XKR9: variants seen among roughly 807,000 people sequenced by gnomAD.
The protein encoded by XKR9 is XK related 9.
In XKR9, 32 loss-of-function variants were observed where a neutral mutation model predicts 32.0. The ratio of observed to expected loss-of-function variants is 1.00; its 90% CI spans 0.76 to 1.34. The LOEUF is 1.34. Ranked by LOEUF, XKR9 falls within the 40% of genes most tolerant of loss-of-function variation. XKR9 has a pLI of 0.00. For missense variants in XKR9, 546 were observed against 429.7 expected, an observed-to-expected ratio of 1.27 and a Z score of -2.39; for synonymous variants, 168 against 143.4, an observed-to-expected ratio of 1.17 and a Z score of -1.22.
the XKR9 span, among the ~76,000 whole-genome samples, chr8:70,857,271 A>G: frequency 6.6e-6 from 1 of 152,220 alleles, no homozygotes; most frequent in African/African-American, 2.4e-5. Context: ...AATAGACACA[A>G]TAAAAAATGA....
intron 2 of XKR9, among the ~76,000 whole-genome samples, chr8:70,781,805 T>C (rs1219812977): frequency 6.6e-6 from 1 of 152,156 alleles, no homozygotes; most frequent in Admixed American, 6.6e-5. Flanking sequence ...TAGAACAAGC[T>C]TTCTCAAAAA....
intron 2 of XKR9, among the ~76,000 whole-genome samples, chr8:70,752,563 C>A (rs937325987): frequency 1.3e-5 from 2 of 152,110 alleles, no homozygotes; most frequent in Non-Finnish European, 2.9e-5. Context: ...GCATTAATCC[C>A]CCTTAATGAC....
chr8:70,772,217 G>A (rs369241281), intron 2 of XKR9, among the ~76,000 whole-genome samples: 3 of 152,216 alleles, frequency 2.0e-5, no homozygotes, highest in African/African-American at 4.8e-5. Flanking sequence ...TCTGTGTCAG[G>A]AGTCTAGCAT....
chr8:70,975,386 A>G, the XKR9 span, among the ~76,000 whole-genome samples: 1 of 152,292 alleles, frequency 6.6e-6, no homozygotes, highest in East Asian at 1.9e-4. Flanking sequence ...TCTAACATTT[A>G]AGTCTTTAAT....
intron 4 of XKR9, among the ~76,000 whole-genome samples, chr8:70,710,937 G>A (rs1028649079): frequency 1.3e-4 from 19 of 151,940 alleles, no homozygotes; most frequent in African/African-American, 3.9e-4. Context: ...ATCAAGCAAA[G>A]AACAAACAAC....
At chr8:70,969,073 G>T in the XKR9 span, among the ~76,000 whole-genome samples, 1 of 152,166 alleles carries the variant, frequency 6.6e-6, no homozygotes, top group Admixed American at 6.5e-5. Context: ...CTTACTTTTG[G>T]CAGTGAGCAC....
the XKR9 span, among the ~76,000 whole-genome samples, chr8:71,065,581 C>G: frequency 6.6e-6 from 1 of 152,140 alleles, no homozygotes; most frequent in Admixed American, 6.5e-5. Flanking sequence ...TCTATTTAAA[C>G]TAAAAGAGAA....
the XKR9 span, among the ~76,000 whole-genome samples, chr8:71,040,854 T>G: frequency 2.6e-5 from 4 of 152,164 alleles, no homozygotes; most frequent in African/African-American, 9.7e-5. Flanking sequence ...GATTAGATGG[T>G]TGGATTGCTG....
chr8:70,707,370 A>T (rs1265717084), intron 4 of XKR9, among the ~76,000 whole-genome samples: 4 of 152,040 alleles, frequency 2.6e-5, no homozygotes, highest in Non-Finnish European at 4.4e-5. Context: ...TAGTTATTTG[A>T]TGATTCCTTC....
the XKR9 span, among the ~76,000 whole-genome samples, chr8:70,993,614 C>T: frequency 3.2e-5 from 2 of 62,734 alleles, no homozygotes; most frequent in African/African-American, 1.3e-4. Flanking sequence ...TCCTTCCTTC[C>T]TTCCTTCCTT....
chr8:70,846,581 G>A, the XKR9 span, among the ~76,000 whole-genome samples: 2 of 151,872 alleles, frequency 1.3e-5, no homozygotes, highest in Non-Finnish European at 2.9e-5. Context: ...AAAAGATATA[G>A]ATTGGCTGAA....
the XKR9 span, among the ~76,000 whole-genome samples, chr8:70,818,108 T>C: frequency 6.6e-6 from 1 of 152,120 alleles, no homozygotes; most frequent in African/African-American, 2.4e-5. Context: ...AATTTGACAA[T>C]GGTACATAGT....
intron 2 of XKR9, among the ~76,000 whole-genome samples, chr8:70,776,947 C>CTCTCTCTCTCTATATATA: frequency 0.014 from 744 of 54,174 alleles, 20 homozygotes; most frequent in East Asian, 0.03. Context: ...CTCTCTCTCT[C>CTCTCTCTCTCTATATATA]TATATATATA....
chr8:70,981,443 C>T, the XKR9 span, among the ~76,000 whole-genome samples: 239 of 152,086 alleles, frequency 1.6e-3, 1 homozygote, highest in African/African-American at 5.5e-3. Flanking sequence ...TGAGACTTTC[C>T]AGGGCATTTT....
At chr8:70,873,540 G>T in the XKR9 span, among the ~76,000 whole-genome samples, 1 of 152,202 alleles carries the variant, frequency 6.6e-6, no homozygotes, top group Non-Finnish European at 1.5e-5. Context: ...TTCAATGAAA[G>T]AATAACTGTA....
chr8:70,758,745 G>A (rs903831983), intron 2 of XKR9, among the ~76,000 whole-genome samples: 3 of 152,190 alleles, frequency 2.0e-5, no homozygotes, highest in African/African-American at 7.2e-5. Flanking sequence ...TAAGATTAGA[G>A]TAGTTCAATA....
chr8:71,014,891 G>T, the XKR9 span, among the ~76,000 whole-genome samples: 26 of 152,264 alleles, frequency 1.7e-4, no homozygotes, highest in African/African-American at 5.8e-4. Flanking sequence ...CCCTGTGTTT[G>T]AGTCCTGGGT....
chr8:70,722,401 T>TTA (rs1330809152), intron 4 of XKR9, among the ~76,000 whole-genome samples: 7 of 152,204 alleles, frequency 4.6e-5, no homozygotes, highest in African/African-American at 1.7e-4. Context: ...TCATAGGTCT[T>TTA]TATAATTTCG....
chr8:71,059,474 G>A, the XKR9 span, among the ~76,000 whole-genome samples: 3 of 152,314 alleles, frequency 2.0e-5, no homozygotes, highest in South Asian at 6.2e-4. Flanking sequence ...GTATATCAAA[G>A]TGATTCGTCC....
Sources: gnomAD v4.1 joint callset for allele counts (sites outside exome capture counted in the v4.1 genomes callset) on GRCh38, gnomAD v4.1.1 for gene constraint, MANE v1.5 for transcripts, NCBI Gene and HGNC (gene_info 2026-07-23, HGNC 2026-07-21) for gene names.